Variants in MALRD1 observed in about 807,000 individuals in gnomAD.
The protein encoded by MALRD1 is MAM and LDL receptor class A domain containing 1.
A neutral mutation model predicts 242.1 loss-of-function variants in MALRD1; 247 were observed. The observed-to-expected ratio is 1.02, with a 90% CI of 0.92 to 1.13. MALRD1 has a LOEUF of 1.13. Ranked by LOEUF, MALRD1 falls within the 50% of genes most tolerant of loss-of-function variation. MALRD1 has a pLI of 0.00. For synonymous variants in MALRD1, 995 were observed against 866.6 expected, an observed-to-expected ratio of 1.15 and a Z score of -2.60; for missense variants, 2,989 against 2,533.1, an observed-to-expected ratio of 1.18 and a Z score of -3.86.
At position 19,265,857 on chromosome 10, in the gene MALRD1, C is replaced by G. The variant is rs1479371183; in HGVS notation, c.3079+8086C>G. On this transcript the variant is annotated intron_variant, in intron 19 of 39. Coordinates refer to ENST00000454679, the MANE Select transcript of MALRD1 (RefSeq NM_001142308.3). Reference sequence around the variant, plus strand: ...ATTATTGTTTTGCTGTCTCTTTCTCCCCTCAGATTTATTAATATTTGCTAT... The same window carrying G: ...ATTATTGTTTTGCTGTCTCTTTCTCGCCTCAGATTTATTAATATTTGCTAT... Among the ~76,000 whole-genome samples the G allele has an allele frequency of 4.6e-5, 7 of 151,794 alleles. No individual in the cohort carries two copies. The East Asian group carries it at 1.4e-3, about 29-fold the overall frequency.
chr10:19,123,542 C>T lies in MALRD1; in HGVS notation c.745C>T (p.His249Tyr). 4.9e-6 allele frequency: 6 copies of T among 1,233,712 alleles called. No homozygotes were observed. The highest frequency in any genetic ancestry group is 6.1e-6 in the Non-Finnish European group (6 of 988,020). 76.4% of individuals were successfully genotyped at this position (1,233,712 alleles called of 1,614,324 possible). ...EALNAERELC[H>Y]PDTDLCRFDA... The stretch of plus-strand genomic sequence containing the variant: ...ATTGAATGCTGAGCGGGAGCTATGC[C>T]ATCCAGATACAGATCTCTGCAGATT... Residue 249 changes from histidine (H) to tyrosine (Y), a missense_variant, in exon 6 of 40, where the codon CAT (histidine) becomes TAT (tyrosine). Transcript: ENST00000454679.
At chr10:19,499,418 T>C (rs1220305923) in intron 31 of MALRD1, among the ~76,000 whole-genome samples, 3 of 146,460 alleles carry the variant, frequency 2.0e-5, no homozygotes, top group East Asian at 2.0e-4. Flanking sequence ...TAATGTGGCC[T>C]CCTCCAATCA....
chr10:19,406,805 T>G (rs993581801), intron 28 of MALRD1, among the ~76,000 whole-genome samples: 2 of 152,172 alleles, frequency 1.3e-5, no homozygotes, highest in African/African-American at 4.8e-5. Context: ...TAAGATGACA[T>G]AGTGCCATAC....
At chr10:19,710,677 C>G (rs1203348696) in intron 38 of MALRD1, 1 of 152,170 alleles carries the variant, frequency 6.6e-6, no homozygotes, top group Non-Finnish European at 1.5e-5. Context: ...TATTACGGCT[C>G]CATATTCTAA....
intron 31 of MALRD1, among the ~76,000 whole-genome samples, chr10:19,508,536 C>T (rs1016875520): frequency 2.0e-5 from 3 of 152,094 alleles, no homozygotes; most frequent in Non-Finnish European, 4.4e-5. Flanking sequence ...AGCAACTAGC[C>T]ACATGGAACT....
intron 21 of MALRD1, among the ~76,000 whole-genome samples, chr10:19,316,974 A>G (rs1208977422): frequency 1.3e-5 from 2 of 151,620 alleles, no homozygotes; most frequent in Admixed American, 6.6e-5. Flanking sequence ...CAATTTTTCC[A>G]TGATGTAATT....
At chr10:19,610,343 G>A (rs1210293321) in intron 35 of MALRD1, among the ~76,000 whole-genome samples, 2 of 151,750 alleles carry the variant, frequency 1.3e-5, no homozygotes, top group Non-Finnish European at 2.9e-5. Context: ...TAGTAACTTT[G>A]TACCCATTGG....
At position 19,595,338 on chromosome 10, in the gene MALRD1, C is replaced by G; in HGVS notation, c.5825C>G (p.Pro1942Arg). 2 of 1,550,514 alleles carry G rather than the reference C, an allele frequency of 1.3e-6. No individual in the cohort carries two copies. Among genetic ancestry groups the G allele is most frequent in the Non-Finnish European group, 1.7e-6 (2 of 1,146,804 alleles). The change falls in exon 34 of 40, where the codon CCC becomes CGC. Residue 1942 changes from proline to arginine, a missense_variant. Physicochemically the swap from Pro to Arg is moderately radical, Grantham distance 103. Coordinates refer to ENST00000454679, the MANE Select transcript of MALRD1 (RefSeq NM_001142308.3). ...GATGAAATGGATTGTCCTCTCAGCCCCACCCCTCCACTCTGTAGTAACATG... is the reference window on the plus strand; with the variant it reads ...GATGAAATGGATTGTCCTCTCAGCCGCACCCCTCCACTCTGTAGTAACATG... ...GSDEMDCPLS[P>R]TPPLCSNMEF...
chr10:19,201,862 C>CTGGA (rs1836554288), intron 14 of MALRD1, among the ~76,000 whole-genome samples: 1 of 152,106 alleles, frequency 6.6e-6, no homozygotes, highest in Admixed American at 6.6e-5. Flanking sequence ...GTCACCCAGG[C>CTGGA]TGGAGTGCAG....
At chr10:19,633,040 T>C (rs1418052007) in intron 36 of MALRD1, among the ~76,000 whole-genome samples, 2 of 152,102 alleles carry the variant, frequency 1.3e-5, no homozygotes, top group African/African-American at 2.4e-5. Context: ...AAGATCAGCC[T>C]GGCCAATATG....
At chr10:19,062,625 A>G (rs1834855564) in intron 1 of MALRD1, among the ~76,000 whole-genome samples, 1 of 152,234 alleles carries the variant, frequency 6.6e-6, no homozygotes, top group South Asian at 2.1e-4. Context: ...AGCAACTCAC[A>G]TACACACAGA....
At chr10:19,376,253 C>T (rs1845589231) in intron 26 of MALRD1, among the ~76,000 whole-genome samples, 1 of 152,224 alleles carries the variant, frequency 6.6e-6, no homozygotes, top group Non-Finnish European at 1.5e-5. Flanking sequence ...TCTCATATTT[C>T]ATTTCCTCAG....
At chr10:19,695,998 A>G (rs1427203128) in intron 38 of MALRD1, among the ~76,000 whole-genome samples, 5 of 152,180 alleles carry the variant, frequency 3.3e-5, no homozygotes, top group African/African-American at 1.2e-4. Flanking sequence ...CATGAGAATT[A>G]TTACAATTTA....
rs1353283121 is a variant in MALRD1, at chr10:19,653,335, T to G, written c.6137+37412T>G. On this transcript the variant is annotated intron_variant, in intron 36 of 39. Transcript: ENST00000454679. Reference sequence around the variant, plus strand: ...CCTTAGCCTCCTGAGTAGCTGGGACTACAGACATGCACCACCACACTCAGC... The same window carrying G: ...CCTTAGCCTCCTGAGTAGCTGGGACGACAGACATGCACCACCACACTCAGC... 2.6e-5 allele frequency among the ~76,000 whole-genome samples: 4 copies of G among 152,070 alleles called. No individual in the cohort carries two copies. In the East Asian group the frequency reaches 7.7e-4, roughly 29 times the overall value.
intron 36 of MALRD1, among the ~76,000 whole-genome samples, chr10:19,686,851 C>G (rs1264982678): frequency 6.6e-6 from 1 of 152,100 alleles, no homozygotes; most frequent in Non-Finnish European, 1.5e-5. Context: ...GTTTAAACTT[C>G]CAGAGTTCAA....
At position 19,730,724 on chromosome 10, in the gene MALRD1, T is replaced by C; in HGVS notation, c.6333T>C (p.Gly2111=). The C allele has an allele frequency of 1.3e-6, 2 of 1,536,668 alleles. No individual in the cohort carries two copies. The highest frequency in any genetic ancestry group is 1.7e-6 in the Non-Finnish European group (2 of 1,147,024). The change falls in exon 39 of 40, where the codon GGT becomes GGC. Residue 2111 remains glycine, a synonymous_variant. Coordinates refer to ENST00000454679, the MANE Select transcript of MALRD1 (RefSeq NM_001142308.3). The part of the protein sequence containing the change: ...KVPIRKTEGS[G]NCAFVNPVYG... ...CTTTAAGGAAAACCGAGGGAAGTGG[T>C]AACTGTGCCTTTGTCAATCCAGTTT...
intron 2 of MALRD1, among the ~76,000 whole-genome samples, chr10:19,069,200 T>A (rs573759009): frequency 6.6e-6 from 1 of 152,186 alleles, no homozygotes; most frequent in East Asian, 1.9e-4. Flanking sequence ...ATGCCACAGA[T>A]TATTATTTCC....
chr10:19,685,607 GAAA>G lies in MALRD1; in HGVS notation c.6138-6673_6138-6671del, dbSNP rs1409110876. 2.0e-5 allele frequency among the ~76,000 whole-genome samples: 3 copies of G among 152,140 alleles called. No individual in the cohort carries two copies. In the East Asian group the frequency reaches 5.8e-4, roughly 29 times the overall value. ...AGCAGGCTTGGAACATGAACTGATG[GAAA>G]AGTTTGCAATGCCATCAAAGTTATT... On this transcript the variant is annotated intron_variant, in intron 36 of 39. Transcript: ENST00000454679.
chr10:19,492,002 A>AT (rs762658892), intron 30 of MALRD1, among the ~76,000 whole-genome samples: 35 of 144,362 alleles, frequency 2.4e-4, no homozygotes, highest in African/African-American at 4.6e-4. Flanking sequence ...TTTTTTTTCT[A>AT]TTTTTTTTTC....
Sources: gnomAD v4.1 joint callset for allele counts (sites outside exome capture counted in the v4.1 genomes callset) on GRCh38, gnomAD v4.1.1 for gene constraint, MANE v1.5 for transcripts, NCBI Gene and HGNC (gene_info 2026-07-23, HGNC 2026-07-21) for gene names.